The following TMCC1 variants were observed in gnomAD, a reference collection of about 807,000 sequenced individuals.
The protein encoded by TMCC1 is transmembrane and coiled-coil domains protein 1.
In TMCC1, 15 loss-of-function variants were observed where a neutral mutation model predicts 52.4. The observed-to-expected ratio is 0.29, with a 90% CI of 0.19 to 0.44. The LOEUF (loss-of-function observed/expected upper bound fraction) is 0.44. TMCC1 is among the 20% of genes least tolerant of loss of function. TMCC1 has a pLI of 1.00. For missense variants in TMCC1, 503 were observed against 806.0 expected, an observed-to-expected ratio of 0.62 and a Z score of 4.55; for synonymous variants, 279 against 301.9, an observed-to-expected ratio of 0.92 and a Z score of 0.79.
chr3:129,703,440 A>G (rs1384105346), intron 4 of TMCC1, among the ~76,000 whole-genome samples: 1 of 152,248 alleles, frequency 6.6e-6, no homozygotes, highest in Non-Finnish European at 1.5e-5. Flanking sequence ...AACAGGCCTT[A>G]TAAGTAAGTA....
At chr3:129,717,960 C>CA (rs1406263364) in intron 4 of TMCC1, among the ~76,000 whole-genome samples, 8 of 152,104 alleles carry the variant, frequency 5.3e-5, no homozygotes, top group Non-Finnish European at 7.4e-5. Context: ...GACCCTTGAA[C>CA]AACAAAGGTC....
chr3:129,766,246 G>A (rs1044605987), intron 4 of TMCC1, among the ~76,000 whole-genome samples: 1 of 152,198 alleles, frequency 6.6e-6, no homozygotes, highest in Non-Finnish European at 1.5e-5. Flanking sequence ...GTAGGCCTGA[G>A]AGAAGACTGA....
At chr3:129,750,876 G>T in intron 4 of TMCC1, among the ~76,000 whole-genome samples, 1 of 148,806 alleles carries the variant, frequency 6.7e-6, no homozygotes, top group South Asian at 2.3e-4. Flanking sequence ...CGCCCAGCCA[G>T]ATCTAAATAT....
intron 1 of TMCC1, among the ~76,000 whole-genome samples, chr3:129,884,176 A>C: frequency 6.6e-6 from 1 of 152,232 alleles, no homozygotes; most frequent in East Asian, 1.9e-4. Flanking sequence ...AAGGAAAATC[A>C]TACCACACAG....
chr3:129,805,000 A>C (rs1181819197), intron 4 of TMCC1, among the ~76,000 whole-genome samples: 1 of 152,170 alleles, frequency 6.6e-6, no homozygotes. Context: ...GTGAGCCAAA[A>C]ACTGCTCCAG....
rs751682938 is a variant in TMCC1, at chr3:129,660,035, A to AG, written c.1512-4933dup. ...CATTTTTCTCTTTTGTGAGTCTCCTAGTTCTCCCCAACAATCCCTAGCGAG... is the reference window on the plus strand; with the variant it reads ...CATTTTTCTCTTTTGTGAGTCTCCTAGGTTCTCCCCAACAATCCCTAGCGAG... On this transcript the variant is annotated intron_variant, in intron 5 of 6. Transcript: ENST00000393238. Among the ~76,000 whole-genome samples, 7 of 152,348 alleles carry AG rather than the reference A, an allele frequency of 4.6e-5. No individual in the cohort carries two copies. In the East Asian group the frequency reaches 1.3e-3, roughly 29 times the overall value.
intron 3 of TMCC1, among the ~76,000 whole-genome samples, chr3:129,832,138 T>A (rs1349663527): frequency 6.6e-6 from 1 of 152,188 alleles, no homozygotes; most frequent in Non-Finnish European, 1.5e-5. Context: ...ATTATAGGCA[T>A]GAGTCACCGC....
intron 1 of TMCC1, chr3:129,892,503 A>C (rs1278866538): frequency 6.6e-6 from 1 of 152,182 alleles, no homozygotes; most frequent in Non-Finnish European, 1.5e-5. Flanking sequence ...ATTTTAAAGC[A>C]GCTATCTGAT....
intron 2 of TMCC1, among the ~76,000 whole-genome samples, chr3:129,833,903 AT>A (rs1358443129): frequency 6.6e-6 from 1 of 152,196 alleles, no homozygotes; most frequent in Non-Finnish European, 1.5e-5. Flanking sequence ...CAGAGAAGCA[AT>A]TTAATTAGAC....
At chr3:129,883,303 C>T (rs1560615615) in intron 1 of TMCC1, among the ~76,000 whole-genome samples, 1 of 149,432 alleles carries the variant, frequency 6.7e-6, no homozygotes, top group Non-Finnish European at 1.5e-5. Flanking sequence ...CAGAGCGAGA[C>T]AATCAATCAA....
chr3:129,707,054 G>C (rs11925820), intron 4 of TMCC1, among the ~76,000 whole-genome samples: 2 of 152,092 alleles, frequency 1.3e-5, no homozygotes, highest in Non-Finnish European at 2.9e-5. Context: ...GGGCAGCGTA[G>C]AAATAGGGCA....
chr3:129,697,021 A>T (rs1033380145), intron 4 of TMCC1, among the ~76,000 whole-genome samples: 3 of 152,126 alleles, frequency 2.0e-5, no homozygotes, highest in African/African-American at 7.2e-5. Context: ...CTGTCAGTGG[A>T]TCTACCATCC....
chr3:129,889,704 A>G (rs1385847465), intron 1 of TMCC1, among the ~76,000 whole-genome samples: 1 of 152,234 alleles, frequency 6.6e-6, no homozygotes, highest in Non-Finnish European at 1.5e-5. Context: ...AAGATACTTA[A>G]AATATGGTCT....
At chr3:129,857,607 G>GCA (rs2060198671) in intron 2 of TMCC1, among the ~76,000 whole-genome samples, 1 of 151,652 alleles carries the variant, frequency 6.6e-6, no homozygotes, top group Non-Finnish European at 1.5e-5. Flanking sequence ...TGTCACACAG[G>GCA]CTGGAGTGCA....
intron 2 of TMCC1, chr3:129,847,329 T>G (rs1020866648): frequency 6.6e-5 from 10 of 152,248 alleles, no homozygotes; most frequent in African/African-American, 2.2e-4. Flanking sequence ...TGTATTTTAT[T>G]TAAGCATACT....
chr3:129,832,148 C>T (rs1345563227), intron 3 of TMCC1, among the ~76,000 whole-genome samples: 3 of 152,150 alleles, frequency 2.0e-5, no homozygotes, highest in Non-Finnish European at 4.4e-5. Context: ...TGAGTCACCG[C>T]GCCCCACCCA....
intron 5 of TMCC1, among the ~76,000 whole-genome samples, chr3:129,659,094 CTTTTTTTTT>C (rs902362203): frequency 1.1e-4 from 14 of 130,004 alleles, no homozygotes; most frequent in Admixed American, 9.3e-4. Flanking sequence ...TTCTTTCTTT[CTTTTTTTTT>C]TTTTTTTTTT....
chr3:129,883,488 C>T (rs2061557369), intron 1 of TMCC1, among the ~76,000 whole-genome samples: 1 of 152,122 alleles, frequency 6.6e-6, no homozygotes, highest in Non-Finnish European at 1.5e-5. Flanking sequence ...GTGACAGGCA[C>T]CTGTGGTCCC....
intron 4 of TMCC1, among the ~76,000 whole-genome samples, chr3:129,715,600 A>T (rs2049019201): frequency 6.6e-6 from 1 of 152,196 alleles, no homozygotes. Context: ...ACGTACATAA[A>T]TTTAAGTCCA....
Sources: allele counts gnomAD v4.1 joint callset (sites outside exome capture counted in the v4.1 genomes callset), GRCh38; gene constraint gnomAD v4.1.1; transcripts MANE v1.5; gene names NCBI Gene and HGNC (gene_info 2026-07-23, HGNC 2026-07-21).